ITPRID1: variants seen among roughly 807,000 people sequenced by gnomAD.
ITPRID1 encodes protein ITPRID1.
Under a neutral mutation model 95.4 loss-of-function variants are expected in ITPRID1, and 96 were observed. The observed-to-expected ratio is 1.01, with a 90% CI of 0.85 to 1.19. The LOEUF (loss-of-function observed/expected upper bound fraction) is 1.19, where lower values mean the gene tolerates loss of function less well. Ranked by LOEUF, ITPRID1 falls within the 50% of genes most tolerant of loss-of-function variation. The pLI, the probability that ITPRID1 is intolerant of heterozygous loss-of-function variation, is 0.00. For missense variants in ITPRID1, 1,339 were observed against 1,252.9 expected (o/e 1.07, Z -1.04); for synonymous variants, 510 against 453.6 (o/e 1.12, Z -1.58).
At chr7:31,521,740 A>G (rs1405160958) in intron 1 of ITPRID1, among the ~76,000 whole-genome samples, 1 of 127,594 alleles carries the variant, frequency 7.8e-6, no homozygotes, top group Non-Finnish European at 1.6e-5. Context: ...CTTTCTTTTG[A>G]CACAGGGCCT....
In ITPRID1 at chr7:31,581,155, CA is replaced by C. The variant is rs149891892; in HGVS notation, c.1171-1977del. Among the ~76,000 whole-genome samples, 46 of 152,210 alleles carry C rather than the reference CA, an allele frequency of 3.0e-4. No individual in the cohort carries two copies. In the East Asian group the frequency reaches 7.1e-3, roughly 24 times the overall value. ...TGGCAGATTTTCATGGCATTTAAAA[CA>C]AGAGCCAATGTACTTAAATATCTAG... On this transcript the variant is annotated intron_variant, in intron 9 of 14. Coordinates refer to ENST00000615280, the MANE Select transcript of ITPRID1 (RefSeq NM_001257967.3).
Position 31,583,199 on chromosome 7 carries a change from T to A in ITPRID1, c.1228+8T>A. 1 of 1,595,628 alleles carries A rather than the reference T, an allele frequency of 6.3e-7. No homozygotes were observed. Among genetic ancestry groups the A allele is most frequent in the Non-Finnish European group, 8.6e-7 (1 of 1,164,314 alleles). ...TGACTTCAGGAACTGTAGGTAAGAATTCATCAAGGTGTGTGATCTCATCAA... is the reference window on the plus strand; with the variant it reads ...TGACTTCAGGAACTGTAGGTAAGAAATCATCAAGGTGTGTGATCTCATCAA... On this transcript the variant is annotated splice_region_variant and intron_variant, in intron 10 of 14. Coordinates refer to ENST00000615280, the MANE Select transcript of ITPRID1 (RefSeq NM_001257967.3).
chr7:31,524,457 A>C (rs1783362569), intron 1 of ITPRID1, among the ~76,000 whole-genome samples: 1 of 152,208 alleles, frequency 6.6e-6, no homozygotes, highest in East Asian at 1.9e-4. Flanking sequence ...AGCCATTTTG[A>C]GTCATGATTA....
chr7:31,615,722 C>T (rs1408246158), intron 10 of ITPRID1, among the ~76,000 whole-genome samples: 3 of 151,368 alleles, frequency 2.0e-5, no homozygotes, highest in Non-Finnish European at 4.4e-5. Context: ...AAGGCTAATA[C>T]CAGTAGCGTG....
intron 8 of ITPRID1, among the ~76,000 whole-genome samples, chr7:31,577,340 C>G (rs1041292306): frequency 1.3e-5 from 2 of 152,168 alleles, no homozygotes; most frequent in Non-Finnish European, 2.9e-5. Flanking sequence ...ATTCTGAGCT[C>G]AAACATCCAG....
At chr7:31,648,816 T>C (rs1157462270) in intron 12 of ITPRID1, among the ~76,000 whole-genome samples, 1 of 152,220 alleles carries the variant, frequency 6.6e-6, no homozygotes, top group Non-Finnish European at 1.5e-5. Flanking sequence ...TGTTCAGCTA[T>C]ACTGTGGTCC....
chr7:31,623,512 T>C (rs1788129315), intron 10 of ITPRID1, among the ~76,000 whole-genome samples: 1 of 151,816 alleles, frequency 6.6e-6, no homozygotes, highest in Admixed American at 6.6e-5. Context: ...ATGACACGAT[T>C]ATCTCAATAG....
At chr7:31,567,642 C>T (rs545881020) in intron 5 of ITPRID1, among the ~76,000 whole-genome samples, 5 of 150,774 alleles carry the variant, frequency 3.3e-5, no homozygotes, top group African/African-American at 9.8e-5. Flanking sequence ...AGCGCAGTGG[C>T]GCAGTCTCCG....
At chr7:31,556,833 G>T (rs1784463437) in intron 5 of ITPRID1, among the ~76,000 whole-genome samples, 1 of 152,074 alleles carries the variant, frequency 6.6e-6, no homozygotes, top group Admixed American at 6.6e-5. Flanking sequence ...TAAGCACCAA[G>T]TTCTGTTGTT....
At chr7:31,522,293 A>C (rs927697114) in intron 1 of ITPRID1, among the ~76,000 whole-genome samples, 21 of 152,118 alleles carry the variant, frequency 1.4e-4, no homozygotes, top group African/African-American at 4.8e-4. Context: ...TAGCCACCTT[A>C]TTACTTTGAC....
chr7:31,554,814 T>C (rs1230909230), intron 4 of ITPRID1, 44 bp from the exon 5 acceptor site: 4 of 1,457,904 alleles, frequency 2.7e-6, no homozygotes, highest in Non-Finnish European at 3.8e-6. Flanking sequence ...GTATAATTTA[T>C]TTACACACAT....
chr7:31,553,755 T>C (rs768298867), intron 3 of ITPRID1, among the ~76,000 whole-genome samples: 9 of 152,302 alleles, frequency 5.9e-5, no homozygotes, highest in Non-Finnish European at 1.0e-4. Flanking sequence ...TGACACCTTG[T>C]GAGGGAGATA....
intron 1 of ITPRID1, among the ~76,000 whole-genome samples, chr7:31,531,411 C>T (rs1783592055): frequency 6.6e-6 from 1 of 152,066 alleles, no homozygotes; most frequent in African/African-American, 2.4e-5. Flanking sequence ...AATTAAGGAG[C>T]ATATGAGGAA....
intron 7 of ITPRID1, 51 bp from the exon 8 acceptor site, chr7:31,574,489 G>A: frequency 6.5e-7 from 1 of 1,534,046 alleles, no homozygotes; most frequent in Admixed American, 1.7e-5. Flanking sequence ...AGAAAAAAAT[G>A]GTGTTGGGTT....
chr7:31,640,391 TCTCTGTGTGCAGCTCCTTCCTCTC>T, intron 10 of ITPRID1, among the ~76,000 whole-genome samples: 1 of 152,178 alleles, frequency 6.6e-6, no homozygotes, highest in South Asian at 2.1e-4. Flanking sequence ...TCTAGAGTTC[TCTCTGTGTGCAGCTCCTTCCTCTC>T]CTCTGTGTGC....
intron 1 of ITPRID1, among the ~76,000 whole-genome samples, chr7:31,542,135 T>C (rs1469589788): frequency 6.6e-6 from 1 of 152,204 alleles, no homozygotes; most frequent in African/African-American, 2.4e-5. Flanking sequence ...AAATACATGT[T>C]ACACTATTAA....
intron 9 of ITPRID1, 53 bp from the exon 10 acceptor site, chr7:31,583,081 G>T: frequency 7.7e-7 from 1 of 1,293,402 alleles, no homozygotes. Context: ...ATTAAAATAA[G>T]TGAATTTATT....
chr7:31,514,772 T>C (rs1221811676), intron 1 of ITPRID1, among the ~76,000 whole-genome samples: 1 of 152,142 alleles, frequency 6.6e-6, no homozygotes, highest in African/African-American at 2.4e-5. Flanking sequence ...TGAAATTGAA[T>C]GTTCCAACCA....
At chr7:31,591,218 T>C (rs1470241453) in intron 10 of ITPRID1, among the ~76,000 whole-genome samples, 1 of 152,138 alleles carries the variant, frequency 6.6e-6, no homozygotes, top group Non-Finnish European at 1.5e-5. Flanking sequence ...CATGTTATAA[T>C]TGATGACAGG....
Sources: allele counts gnomAD v4.1 joint callset (sites outside exome capture counted in the v4.1 genomes callset), GRCh38; gene constraint gnomAD v4.1.1; transcripts MANE v1.5; gene names NCBI Gene and HGNC (gene_info 2026-07-23, HGNC 2026-07-21).